The following ADGRG6 variants were observed in gnomAD, a reference collection of about 807,000 sequenced individuals.
ADGRG6 encodes the protein adhesion G protein-coupled receptor G6.
A neutral mutation model predicts 142.4 loss-of-function variants in ADGRG6; 84 were observed. That is an observed-to-expected ratio of 0.59 (90% CI 0.49 to 0.71). ADGRG6 has a LOEUF of 0.71. Ranked by LOEUF, ADGRG6 falls within the 30% of genes least tolerant of loss-of-function variation. The pLI, the probability that ADGRG6 is intolerant of heterozygous loss-of-function variation, is 0.00. For missense variants in ADGRG6, 1,367 were observed against 1,466.6 expected, an observed-to-expected ratio of 0.93 and a Z score of 1.11; for synonymous variants, 521 against 520.5, an observed-to-expected ratio of 1.00 and a Z score of -0.01.
intron 2 of ADGRG6, among the ~76,000 whole-genome samples, chr6:142,311,557 A>G (rs368387166): frequency 6.6e-5 from 10 of 152,024 alleles, no homozygotes; most frequent in African/African-American, 2.2e-4. Context: ...TTGGATATAT[A>G]TGATATTTAA....
At chr6:142,318,269 TATTTATATTA>T (rs1778316503) in intron 2 of ADGRG6, among the ~76,000 whole-genome samples, 1 of 79,026 alleles carries the variant, frequency 1.3e-5, no homozygotes, top group Non-Finnish European at 2.2e-5. Flanking sequence ...TTATTATATA[TATTTATATTA>T]TATATATTTA....
chr6:142,330,776 T>C (rs1461205154), intron 2 of ADGRG6, among the ~76,000 whole-genome samples: 1 of 152,116 alleles, frequency 6.6e-6, no homozygotes, highest in African/African-American at 2.4e-5. Flanking sequence ...AGGAGGAATT[T>C]ACAACTTACT....
intron 10 of ADGRG6, among the ~76,000 whole-genome samples, chr6:142,398,167 C>G (rs1247589570): frequency 2.0e-5 from 3 of 152,142 alleles, no homozygotes; most frequent in African/African-American, 7.2e-5. Flanking sequence ...TGGCTCATGC[C>G]TATAATCCCA....
chr6:142,352,273 A>T (rs925993550), intron 2 of ADGRG6, among the ~76,000 whole-genome samples: 1 of 152,240 alleles, frequency 6.6e-6, no homozygotes, highest in Non-Finnish European at 1.5e-5. Flanking sequence ...ACCATGGAAT[A>T]CTATGCAGCT....
chr6:142,310,854 T>C (rs1777734852), intron 2 of ADGRG6, among the ~76,000 whole-genome samples: 2 of 151,900 alleles, frequency 1.3e-5, no homozygotes, highest in African/African-American at 4.8e-5. Flanking sequence ...GGTTTTATGA[T>C]GTACAGTGTT....
chr6:142,406,708 T>G (rs1775823065), intron 15 of ADGRG6, among the ~76,000 whole-genome samples: 1 of 152,198 alleles, frequency 6.6e-6, no homozygotes, highest in Non-Finnish European at 1.5e-5. Flanking sequence ...TATACAAATT[T>G]GGTGATTTAT....
intron 6 of ADGRG6, among the ~76,000 whole-genome samples, chr6:142,386,770 G>A (rs907380816): frequency 1.2e-4 from 19 of 152,186 alleles, no homozygotes; most frequent in African/African-American, 4.6e-4. Flanking sequence ...CGGGTGGCTG[G>A]AGCCATCTGG....
intron 2 of ADGRG6, among the ~76,000 whole-genome samples, chr6:142,353,561 A>T (rs1012406469): frequency 2.6e-5 from 4 of 152,162 alleles, no homozygotes; most frequent in Non-Finnish European, 2.9e-5. Flanking sequence ...TATTACTTGG[A>T]TGTTGTATCA....
intron 2 of ADGRG6, among the ~76,000 whole-genome samples, chr6:142,340,864 G>A (rs1779588102): frequency 6.6e-6 from 1 of 152,116 alleles, no homozygotes; most frequent in Non-Finnish European, 1.5e-5. Flanking sequence ...ATAGTTAAAT[G>A]TGTAGAGTAC....
chr6:142,418,571 AAAT>A (rs1249153835), intron 21 of ADGRG6, among the ~76,000 whole-genome samples: 14 of 152,186 alleles, frequency 9.2e-5, no homozygotes, highest in Non-Finnish European at 1.9e-4. Flanking sequence ...AATAATTTCT[AAAT>A]AAGAGAATTT....
intron 2 of ADGRG6, among the ~76,000 whole-genome samples, chr6:142,361,525 A>G (rs988308054): frequency 6.6e-6 from 1 of 152,180 alleles, no homozygotes; most frequent in Middle Eastern, 3.2e-3. Context: ...GAGACTGTCC[A>G]GAAGCAGCGT....
intron 2 of ADGRG6, among the ~76,000 whole-genome samples, chr6:142,320,596 T>C (rs1342932216): frequency 2.6e-5 from 4 of 152,070 alleles, no homozygotes; most frequent in Non-Finnish European, 5.9e-5. Flanking sequence ...AAGATACAGT[T>C]AGTACACATA....
chr6:142,371,482 T>TTC (rs1781252693), intron 4 of ADGRG6, among the ~76,000 whole-genome samples: 1 of 135,778 alleles, frequency 7.4e-6, no homozygotes, highest in African/African-American at 3.1e-5. Flanking sequence ...CTGTTTTTTT[T>TTC]TGTTTTTTTT....
At chr6:142,370,852 T>C in intron 4 of ADGRG6, 59 bp downstream of exon 4, 1 of 1,530,476 alleles carries the variant, frequency 6.5e-7, no homozygotes. Context: ...ATGAATATGA[T>C]TGTCAACAAA....
chr6:142,315,641 G>A (rs1363642354), intron 2 of ADGRG6, among the ~76,000 whole-genome samples: 1 of 151,910 alleles, frequency 6.6e-6, no homozygotes, highest in African/African-American at 2.4e-5. Context: ...GACCAGCCTG[G>A]CCAACATGGT....
In ADGRG6 at chr6:142,367,790, A is replaced by G. The variant is rs1781023916; in HGVS notation, c.325A>G (p.Lys109Glu). 1.2e-6 allele frequency: 2 copies of G among 1,613,802 alleles called. No individual in the cohort carries two copies. The highest frequency in any genetic ancestry group is 4.5e-5 in the East Asian group (2 of 44,882). The change falls in exon 3 of 25, where the codon AAA (lysine) becomes GAA (glutamate). Residue 109 changes from lysine to glutamate, a missense_variant. Transcript: ENST00000367609. Reference sequence around the variant, plus strand: ...CCTTGATAATGGAGAGAGCCAGACTAAATTTTGTGGAGCAACTGCCAAAGG... The same window carrying G: ...CCTTGATAATGGAGAGAGCCAGACTGAATTTTGTGGAGCAACTGCCAAAGG... ...LSLDNGESQT[K>E]FCGATAKGLS...
At chr6:142,370,051 G>T (rs1006111528) in intron 3 of ADGRG6, 119 bp from the exon 4 acceptor site, 14 of 713,604 alleles carry the variant, frequency 2.0e-5, no homozygotes, top group Non-Finnish European at 2.3e-6. Flanking sequence ...GGAGGGATGG[G>T]GCAAATGGTA....
chr6:142,407,170 TAAAAA>T (rs11414768), intron 15 of ADGRG6, among the ~76,000 whole-genome samples: 1 of 121,034 alleles, frequency 8.3e-6, no homozygotes, highest in Non-Finnish European at 1.7e-5. Flanking sequence ...CCCGTCTCTT[TAAAAA>T]AAAAAAAAAA....
At chr6:142,435,873 C>G (rs1330563928) in intron 22 of ADGRG6, among the ~76,000 whole-genome samples, 12 of 152,056 alleles carry the variant, frequency 7.9e-5, no homozygotes. Context: ...GAGGAGTTAA[C>G]AGTTGGTCTG....
Sources: allele counts gnomAD v4.1 joint callset (sites outside exome capture counted in the v4.1 genomes callset), GRCh38; gene constraint gnomAD v4.1.1; transcripts MANE v1.5; gene names NCBI Gene and HGNC (gene_info 2026-07-23, HGNC 2026-07-21).